ZNF644: variants seen among roughly 807,000 people sequenced by gnomAD.
ZNF644 encodes zinc finger motif enhancer binding protein 2.
In ZNF644, 20 loss-of-function variants were observed where a neutral mutation model predicts 108.0. The ratio of observed to expected loss-of-function variants is 0.19; its 90% confidence interval spans 0.13 to 0.27. ZNF644 has a LOEUF of 0.27. Among genes scored for constraint, ZNF644 ranks in the 10% least tolerant of loss-of-function variants. ZNF644 has a pLI of 1.00. For missense variants in ZNF644, 1,338 were observed against 1,548.9 expected (o/e 0.86, Z 2.29); for synonymous variants, 542 against 539.1 (o/e 1.01, Z -0.08).
At chr1:91,021,834 G>A (rs1326453677) in intron 1 of ZNF644, 156 bp downstream of exon 1, 2 of 396,758 alleles carry the variant, frequency 5.0e-6, no homozygotes, top group Non-Finnish European at 8.9e-6. Flanking sequence ...TTGGATGGCT[G>A]GGACCCAGCC....
chr1:90,938,753 T>C lies in ZNF644; in HGVS notation c.2601A>G (p.Gly867=), dbSNP rs754035962. The change falls in exon 3 of 6, where the codon GGA becomes GGG. Residue 867 remains glycine (G), a synonymous_variant. Coordinates refer to ENST00000337393, the MANE Select transcript of ZNF644 (RefSeq NM_201269.3). This position sits in a 1 kb window ranked among gnomAD's most constrained non-coding sequence, Gnocchi z 4.2. The stretch of plus-strand genomic sequence containing the variant: ...CTTCTATGGCCTGTGTAGTGTAGTC[T>C]CCTAACTCAACATTATCCCAGGAAC... ...DESSWDNVEL[G]DYTTQAIEDE... 5 of 1,613,874 alleles carry C rather than the reference T, an allele frequency of 3.1e-6. No individual in the cohort carries two copies. The South Asian group carries it at 5.5e-5, about 18-fold the overall frequency.
Position 90,916,342 on chromosome 1 carries a change from G to A in ZNF644, c.*456C>T, listed in dbSNP as rs1307938292. The A allele has an allele frequency of 2.3e-5, 4 of 177,150 alleles. No homozygotes were observed. Among genetic ancestry groups the A allele is most frequent in the Non-Finnish European group, 4.8e-5 (4 of 83,048 alleles). 11.0% of individuals were successfully genotyped at this position (177,150 alleles called of 1,614,324 possible). A position where few individuals can be genotyped will look rare whatever the true frequency, so the allele number is the denominator to read the frequency against. On this transcript the variant is annotated 3_prime_UTR_variant, in exon 6 of 6. Transcript: ENST00000337393. Reference sequence around the variant, plus strand: ...TACATGATATTTAATGCCCTAATTTGAGTAAATTTAGTCAGCGGTTCTTGG... The same window carrying A: ...TACATGATATTTAATGCCCTAATTTAAGTAAATTTAGTCAGCGGTTCTTGG...
rs185517338 is a variant in ZNF644 at position 90,932,280 on chromosome 1, T to C, written c.3688+5205A>G. On this transcript the variant is annotated intron_variant, in intron 4 of 5. Transcript: ENST00000337393. ...ATCACAGGTAACCAAAAGCAGGCCT[T>C]TACCATTTAGTCTGAGGGTATCTAA... 1.3e-3 allele frequency among the ~76,000 whole-genome samples: 198 copies of C among 152,226 alleles called. 3 individuals are homozygous for C. In the Middle Eastern group the frequency reaches 0.031, roughly 24 times the overall value.
chr1:90,962,943 T>C (rs1654480511), intron 2 of ZNF644, among the ~76,000 whole-genome samples: 1 of 152,030 alleles, frequency 6.6e-6, no homozygotes, highest in Non-Finnish European at 1.5e-5. Context: ...GAGCAAACAA[T>C]GATAAAATGA....
At chr1:90,988,581 C>T (rs1169887097) in intron 1 of ZNF644, among the ~76,000 whole-genome samples, 2 of 152,076 alleles carry the variant, frequency 1.3e-5, no homozygotes, top group African/African-American at 2.4e-5. Flanking sequence ...AGAGCCAAAA[C>T]AAACTTGAAA....
chr1:90,966,132 G>A (rs1654847318), intron 2 of ZNF644, among the ~76,000 whole-genome samples: 1 of 152,088 alleles, frequency 6.6e-6, no homozygotes, highest in Non-Finnish European at 1.5e-5. Context: ...AATATTCTCT[G>A]CCTGAAGCTC....
Position 90,939,060 on chromosome 1 carries a change from T to G in ZNF644, c.2294A>C (p.Glu765Ala), listed in dbSNP as rs138085848. 86 of 1,613,782 alleles carry G rather than the reference T, an allele frequency of 5.3e-5. No homozygotes were observed. The African/African-American group carries it at 7.9e-4, about 15-fold the overall frequency. ...GTGTAAAGAATTTAATGAACTAGCT[T>G]CTTCTTTTTTGAAATGCACAGGATA... ...ESYPVHFKKE[E>A]ASSLNSLHLF... is the part of the protein sequence containing the mutation. Residue 765 changes from glutamate (E) to alanine (A), a missense_variant, in exon 3 of 6, where the codon GAA becomes GCA. This residue lies in a region of ZNF644 where 462 missense variants were observed against 472.6 expected (regional missense o/e 0.98). Coordinates refer to ENST00000337393, the MANE Select transcript of ZNF644 (RefSeq NM_201269.3).
chr1:90,938,863 C>G lies in ZNF644; in HGVS notation c.2491G>C (p.Asp831His), dbSNP rs1385123670. ...ACAACAGTCATTTTATGCAAAAAAT[C>G]TGGATAGCTATCCAAGTCTTCCCCT... ...VGGEDLDSYP[D>H]FLHKMTVVVL... The change falls in exon 3 of 6, where the codon GAT becomes CAT. Residue 831 changes from aspartate (D) to histidine (H), a missense_variant. Coordinates refer to ENST00000337393, the MANE Select transcript of ZNF644 (RefSeq NM_201269.3). The surrounding 1 kb of genome is among the most constrained non-coding windows in gnomAD (Gnocchi z 4.2). 1 of 1,613,802 alleles carries G rather than the reference C, an allele frequency of 6.2e-7. No individual in the cohort carries two copies. The highest frequency in any genetic ancestry group is 1.7e-5 in the Admixed American group (1 of 59,980).
chr1:90,957,972 C>A (rs996468041), intron 2 of ZNF644, among the ~76,000 whole-genome samples: 2 of 151,894 alleles, frequency 1.3e-5, no homozygotes, highest in African/African-American at 4.8e-5. Flanking sequence ...CTTCTATATA[C>A]CAGCAACGAA....
intron 2 of ZNF644, among the ~76,000 whole-genome samples, chr1:90,970,697 A>C (rs924884194): frequency 6.6e-6 from 1 of 152,168 alleles, no homozygotes; most frequent in African/African-American, 2.4e-5. Flanking sequence ...CAAGTGTTGT[A>C]ATTAGTGTGA....
At position 90,992,050 on chromosome 1, in the gene ZNF644, A is replaced by G. The variant is rs144729820; in HGVS notation, c.-17-9680T>C. Reference sequence around the variant, plus strand: ...AGTTAAAAAAAAACTCCAAACAAAAAGAGTACATACTGCATGTGTTGATTT... The same window carrying G: ...AGTTAAAAAAAAACTCCAAACAAAAGGAGTACATACTGCATGTGTTGATTT... On this transcript the variant is annotated intron_variant, in intron 1 of 5. Coordinates refer to ENST00000337393, the MANE Select transcript of ZNF644 (RefSeq NM_201269.3). Among the ~76,000 whole-genome samples the G allele has an allele frequency of 2.5e-3, 383 of 152,336 alleles. 1 individual carries two copies. Among genetic ancestry groups the G allele is most frequent in the South Asian group, 0.013 (62 of 4,828 alleles).
At chr1:90,933,814 GGT>G (rs1254836226) in intron 4 of ZNF644, among the ~76,000 whole-genome samples, 6 of 152,184 alleles carry the variant, frequency 3.9e-5, no homozygotes, top group African/African-American at 1.4e-4. Flanking sequence ...ACAAAGATTA[GGT>G]AAGATAGCCC....
At chr1:90,953,413 A>C (rs763036415) in intron 2 of ZNF644, among the ~76,000 whole-genome samples, 69 of 152,084 alleles carry the variant, frequency 4.5e-4, no homozygotes, top group Non-Finnish European at 9.4e-4. Context: ...ATCAGGAAAA[A>C]TAGCTAATGC....
chr1:91,004,229 A>G (rs1262406370), intron 1 of ZNF644, among the ~76,000 whole-genome samples: 2 of 84,698 alleles, frequency 2.4e-5, no homozygotes, highest in East Asian at 3.2e-4. Context: ...GGAACTACAC[A>G]GAGGATAAAC....
intron 1 of ZNF644, among the ~76,000 whole-genome samples, chr1:91,013,831 A>G (rs1660194042): frequency 6.6e-6 from 1 of 152,220 alleles, no homozygotes; most frequent in Admixed American, 6.5e-5. Context: ...TTAAAAAAAG[A>G]AAAAATGTAA....
chr1:90,957,852 A>G (rs916250278), intron 2 of ZNF644, among the ~76,000 whole-genome samples: 1 of 152,244 alleles, frequency 6.6e-6, no homozygotes, highest in Non-Finnish European at 1.5e-5. Flanking sequence ...TGTGAATGAC[A>G]TAATTCTATT....
intron 1 of ZNF644, among the ~76,000 whole-genome samples, chr1:91,009,497 C>T (rs1282090944): frequency 1.3e-5 from 2 of 152,008 alleles, no homozygotes; most frequent in Non-Finnish European, 2.9e-5. Context: ...AGAGTATTCC[C>T]AAATGTTCCT....
In ZNF644 at chr1:90,939,094, C is replaced by T; in HGVS notation, c.2260G>A (p.Gly754Ser). 1 of 1,613,940 alleles carries T rather than the reference C, an allele frequency of 6.2e-7. No homozygotes were observed. The highest frequency in any genetic ancestry group is 8.5e-7 in the Non-Finnish European group (1 of 1,179,898). The change falls in exon 3 of 6, where the codon GGT (glycine) becomes AGT (serine). Residue 754 changes from glycine (G) to serine (S), a missense_variant. Transcript: ENST00000337393. ...YENYRMIKKSGESYPVHFKKE... is the reference protein window; with the variant it reads ...YENYRMIKKSSESYPVHFKKE... ...TTGAAATGCACAGGATATGATTCACCTGATTTTTTGATCATCCTATAGTTT... is the reference window on the plus strand; with the variant it reads ...TTGAAATGCACAGGATATGATTCACTTGATTTTTTGATCATCCTATAGTTT...
intron 4 of ZNF644, among the ~76,000 whole-genome samples, chr1:90,932,454 G>A (rs891458222): frequency 4.6e-5 from 7 of 152,064 alleles, no homozygotes; most frequent in Non-Finnish European, 1.0e-4. Flanking sequence ...ATATACTAAG[G>A]TAAGATTTTA....
Sources: allele counts gnomAD v4.1 joint callset (sites outside exome capture counted in the v4.1 genomes callset), GRCh38; gene constraint gnomAD v4.1.1; regional missense constraint gnomAD v4.1.1; non-coding constraint Gnocchi (gnomAD v3.1); transcripts MANE v1.5; gene names NCBI Gene and HGNC (gene_info 2026-07-23, HGNC 2026-07-21).